Variants in GRIP2 observed in about 807,000 individuals in gnomAD.
The protein encoded by GRIP2 is glutamate receptor interacting protein 2, also known as glutamate receptor-interacting protein 2.
GRIP2 carries 58 observed loss-of-function variants against 108.3 expected under a neutral mutation model. The observed-to-expected ratio is 0.54, with a 90% CI of 0.43 to 0.67. GRIP2 has a LOEUF of 0.67. Among genes scored for constraint, GRIP2 ranks in the 30% least tolerant of loss-of-function variants. The pLI, the probability that GRIP2 is intolerant of heterozygous loss-of-function variation, is 0.00. For missense variants in GRIP2, 1,278 were observed against 1,430.6 expected (o/e 0.89, Z 1.72); for synonymous variants, 586 against 598.2 (o/e 0.98, Z 0.30).
Position 14,517,075 on chromosome 3 carries a change from T to C in GRIP2, c.1295A>G (p.His432Arg). ...MGRRRQRRRE[H>R]KSSLSLASST... Reference sequence around the variant, plus strand: ...AGACCACAGCTTACACGAGCTCTTGTGTTCCCTTCTTCGCTGCCTCCTCCG... The same window carrying C: ...AGACCACAGCTTACACGAGCTCTTGCGTTCCCTTCTTCGCTGCCTCCTCCG... Residue 432 changes from histidine (H) to arginine (R), a missense_variant, in exon 11 of 24, where the codon CAC becomes CGC. His to Arg is a conservative substitution (Grantham distance 29, BLOSUM62 0). Coordinates refer to ENST00000621039, the MANE Select transcript of GRIP2 (RefSeq NM_001080423.4). 2 of 1,583,696 alleles carry C rather than the reference T, an allele frequency of 1.3e-6. No homozygotes were observed. Among genetic ancestry groups the C allele is most frequent in the Non-Finnish European group, 1.7e-6 (2 of 1,165,904 alleles).
chr3:14,538,775 G>A (rs1434135628), intron 1 of GRIP2, among the ~76,000 whole-genome samples: 3 of 152,222 alleles, frequency 2.0e-5, no homozygotes, highest in Non-Finnish European at 4.4e-5. Context: ...GCAGATTTGT[G>A]TTTTGGCAAG....
upstream of GRIP2, among the ~76,000 whole-genome samples, chr3:14,546,899 G>T (rs1250394820): frequency 6.6e-6 from 1 of 152,146 alleles, no homozygotes; most frequent in Non-Finnish European, 1.5e-5. Flanking sequence ...AGCACCTGGT[G>T]GTGTTAGGAG....
rs750667024 is a variant in GRIP2, at chr3:14,511,273, T to G, written c.1825A>C (p.Ile609Leu). The G allele has an allele frequency of 2.5e-6, 4 of 1,613,986 alleles. No individual in the cohort carries two copies. The Admixed American group carries it at 6.7e-5, about 27-fold the overall frequency. ...TLEPGDKLLA[I>L]DNIRLDNCPM... ...CAGTTGTCCAGGCGGATATTGTCAA[T>G]GGCCAGTAGCTTGTCGCCTGGCTCC... Residue 609 changes from isoleucine to leucine, a missense_variant, in exon 16 of 24, where the codon ATT becomes CTT. Ile to Leu is a conservative substitution (Grantham distance 5). Coordinates refer to ENST00000621039, the MANE Select transcript of GRIP2 (RefSeq NM_001080423.4). This position sits in a 1 kb window ranked among gnomAD's most constrained non-coding sequence, Gnocchi z 4.1.
chr3:14,520,279 C>T lies in GRIP2; in HGVS notation c.861G>A (p.Arg287=). 1 of 1,613,090 alleles carries T rather than the reference C, an allele frequency of 6.2e-7. No homozygotes were observed. The highest frequency in any genetic ancestry group is 8.5e-7 in the Non-Finnish European group (1 of 1,179,312). The change falls in exon 9 of 24, where the codon AGG becomes AGA. Residue 287 remains arginine (R), a splice_region_variant and synonymous_variant. Coordinates refer to ENST00000621039, the MANE Select transcript of GRIP2 (RefSeq NM_001080423.4). ...GGTCTCCAGGGTGCAGGGCTCCGCT[C>T]CTGGCCAGGCAGGGGAGTGAAGGCG... is the stretch of plus-strand genomic sequence containing the variant. ...DRIKPASVVD[R]SGALHPGDHI...
chr3:14,564,005 GCT>G, the GRIP2 span, among the ~76,000 whole-genome samples: 1 of 152,156 alleles, frequency 6.6e-6, no homozygotes, highest in East Asian at 1.9e-4. Flanking sequence ...CACCAGACCT[GCT>G]CTGAGGCTCA....
rs372485952 is a variant in GRIP2, at chr3:14,519,084, G to A, written c.1030+1026C>T. Among the ~76,000 whole-genome samples the A allele has an allele frequency of 2.0e-4, 30 of 152,322 alleles. No individual in the cohort carries two copies. The South Asian group carries it at 5.4e-3, about 27-fold the overall frequency. On this transcript the variant is annotated intron_variant, in intron 9 of 23. Coordinates refer to ENST00000621039, the MANE Select transcript of GRIP2 (RefSeq NM_001080423.4). The stretch of plus-strand genomic sequence containing the variant: ...GGAAGTAATGAGGCGTGCAGGCCGC[G>A]GCACCGAACCTGGCACGTGGCAGAT...
In GRIP2 at chr3:14,493,666, C is replaced by T. The variant is rs747914813; in HGVS notation, c.3131G>A (p.Ter1044=). Residue 1044 remains the stop codon, a stop_retained_variant, in exon 24 of 24, where the codon TGA becomes TAA. Transcript: ENST00000621039. The part of the protein sequence containing the change: ...SPGPSSPRML[*] ...AGGAGTTCGGCCCACATGCTGACTT[C>T]AGAGCATCCGGGGACTGCTGGGGCC... 6.3e-7 allele frequency: 1 copy of T among 1,598,138 alleles called. No individual in the cohort carries two copies. Among genetic ancestry groups the T allele is most frequent in the Non-Finnish European group, 8.5e-7 (1 of 1,172,554 alleles).
At chr3:14,508,914 G>A (rs947798927) in intron 17 of GRIP2, among the ~76,000 whole-genome samples, 1 of 152,186 alleles carries the variant, frequency 6.6e-6, no homozygotes, top group Non-Finnish European at 1.5e-5. Context: ...GGACAGCACT[G>A]AGCTACATCA....
intron 1 of GRIP2, among the ~76,000 whole-genome samples, chr3:14,537,662 C>A (rs1694865719): frequency 6.6e-6 from 1 of 152,228 alleles, no homozygotes; most frequent in African/African-American, 2.4e-5. Context: ...TGGCCACAGC[C>A]CCTGCTGTGG....
the GRIP2 span, among the ~76,000 whole-genome samples, chr3:14,584,645 C>G: frequency 6.6e-6 from 1 of 152,194 alleles, no homozygotes; most frequent in East Asian, 1.9e-4. Flanking sequence ...TCCAGAATGC[C>G]CAGTGGTGCT....
chr3:14,542,306 A>G (rs1049252862), upstream of GRIP2, among the ~76,000 whole-genome samples: 2 of 145,892 alleles, frequency 1.4e-5, no homozygotes, highest in African/African-American at 5.0e-5. Context: ...GGCAGGTGCC[A>G]CCATGCCTGG....
chr3:14,512,509 C>T lies in GRIP2; in HGVS notation c.1720+268G>A, dbSNP rs1262751824. 1.3e-5 allele frequency among the ~76,000 whole-genome samples: 2 copies of T among 152,174 alleles called. No homozygotes were observed. Among genetic ancestry groups the T allele is most frequent in the Non-Finnish European group, 2.9e-5 (2 of 68,038 alleles). On this transcript the variant is annotated intron_variant, in intron 14 of 23. Coordinates refer to ENST00000621039, the MANE Select transcript of GRIP2 (RefSeq NM_001080423.4). The surrounding 1 kb of genome is among the most constrained non-coding windows in gnomAD (Gnocchi z 5.1). ...TTGTCACCTTCCAATGCTCTCTCAC[C>T]ATGGGCACCTCACAAGCCCCCTGGG... is the stretch of plus-strand genomic sequence containing the variant.
chr3:14,566,413 C>T, the GRIP2 span, among the ~76,000 whole-genome samples: 1 of 152,208 alleles, frequency 6.6e-6, no homozygotes, highest in East Asian at 1.9e-4. Context: ...TTCAGGAAGC[C>T]CCAGATGGTA....
At position 14,517,123 on chromosome 3, in the gene GRIP2, A is replaced by G. The variant is rs920099850; in HGVS notation, c.1247T>C (p.Met416Thr). The G allele has an allele frequency of 3.7e-6, 6 of 1,610,270 alleles. No individual in the cohort carries two copies. The highest frequency in any genetic ancestry group is 4.5e-5 in the East Asian group (2 of 44,470). The change falls in exon 11 of 24, where the codon ATG becomes ACG. Residue 416 changes from methionine (M) to threonine (T), a missense_variant. Coordinates refer to ENST00000621039, the MANE Select transcript of GRIP2 (RefSeq NM_001080423.4). ...PSTLPRGSQP[M>T]SPRTTMGRRR... ...CCGCCCCATTGTAGTTCGAGGACTC[A>G]TGGGCTGGGATCCACGGGGAAGGGT...
Position 14,505,513 on chromosome 3 carries a change from C to T in GRIP2, c.2573+102G>A. The T allele has an allele frequency of 7.4e-7, 1 of 1,345,866 alleles. No individual in the cohort carries two copies. The highest frequency in any genetic ancestry group is 1.0e-6 in the Non-Finnish European group (1 of 976,722). 83.4% of individuals were successfully genotyped at this position (1,345,866 alleles called of 1,614,324 possible). A position where few individuals can be genotyped will look rare whatever the true frequency, so the allele number is the denominator to read the frequency against. On this transcript the variant is annotated intron_variant, in intron 20 of 23. Coordinates refer to ENST00000621039, the MANE Select transcript of GRIP2 (RefSeq NM_001080423.4). The surrounding 1 kb of genome is among the most constrained non-coding windows in gnomAD (Gnocchi z 4.2). ...GGAGGCACCCCTCCTCAGGAGCCCG[C>T]CAAGACTCTCCATTCCCCCACCACT...
Position 14,489,692 on chromosome 3 carries a change from C to T in GRIP2, c.*3973G>A, listed in dbSNP as rs1701283527. On this transcript the variant is annotated 3_prime_UTR_variant, in exon 24 of 24. Coordinates refer to ENST00000621039, the MANE Select transcript of GRIP2 (RefSeq NM_001080423.4). ...CCCATCTGGAATAAACCATTGTCCC[C>T]ATCAAGGCCACCAGGATGATTGGAG... 3 of 152,432 alleles carry T rather than the reference C, an allele frequency of 2.0e-5. No homozygotes were observed. The highest frequency in any genetic ancestry group is 2.0e-4 in the Admixed American group (3 of 15,292). The allele number at this position is 152,432 out of a possible 1,614,324, so 9.4% of individuals were successfully genotyped here.
intron 20 of GRIP2, among the ~76,000 whole-genome samples, chr3:14,504,243 G>GC (rs1476978173): frequency 6.6e-6 from 1 of 151,580 alleles, no homozygotes; most frequent in South Asian, 2.1e-4. Flanking sequence ...ACTTCGCAAA[G>GC]CCACTTGCTA....
Position 14,507,654 on chromosome 3 carries a change from C to A in GRIP2, c.2125G>T (p.Val709Phe). ...CTCAGCGGCCGGCCCTTGAGGCTAA[C>A]GTTGTTGATGGCCAGAATGCGGTCC... ...VGDRILAINN[V>F]SLKGRPLSEA... is the part of the protein sequence containing the mutation. The change falls in exon 18 of 24, where the codon GTT becomes TTT. Residue 709 changes from valine to phenylalanine, a missense_variant. Coordinates refer to ENST00000621039, the MANE Select transcript of GRIP2 (RefSeq NM_001080423.4). This position sits in a 1 kb window ranked among gnomAD's most constrained non-coding sequence, Gnocchi z 4.6. 6.2e-7 allele frequency: 1 copy of A among 1,614,008 alleles called. No homozygotes were observed. The highest frequency in any genetic ancestry group is 8.5e-7 in the Non-Finnish European group (1 of 1,179,886).
chr3:14,574,634 T>C, the GRIP2 span: 1 of 666,650 alleles, frequency 1.5e-6, no homozygotes, highest in Non-Finnish European at 2.8e-6. Context: ...CAAAGAAGGA[T>C]GTGTCCATCT....
Sources: gnomAD v4.1 joint callset for allele counts (sites outside exome capture counted in the v4.1 genomes callset) on GRCh38, gnomAD v4.1.1 for gene constraint, Gnocchi (gnomAD v3.1) non-coding constraint, MANE v1.5 for transcripts, NCBI Gene and HGNC (gene_info 2026-07-23, HGNC 2026-07-21) for gene names.